ZFPM2: variants seen among roughly 807,000 people sequenced by gnomAD.
ZFPM2 encodes the protein zinc finger protein ZFPM2.
ZFPM2 carries 20 observed loss-of-function variants against 98.6 expected under a neutral mutation model. The ratio of observed to expected loss-of-function variants is 0.20; its 90% CI spans 0.14 to 0.29. ZFPM2 has a LOEUF of 0.29. ZFPM2 is among the 10% of genes least tolerant of loss of function. ZFPM2 has a pLI of 1.00. For synonymous variants in ZFPM2, 518 were observed against 502.7 expected (o/e 1.03, Z -0.41); for missense variants, 1,310 against 1,388.6 (o/e 0.94, Z 0.90).
At chr8:105,566,844 C>A (rs1437389945) in intron 4 of ZFPM2, among the ~76,000 whole-genome samples, 1 of 152,070 alleles carries the variant, frequency 6.6e-6, no homozygotes, top group African/African-American at 2.4e-5. Context: ...ACAGAGAAAT[C>A]TCATTTTATT....
chr8:105,649,230 G>A (rs1022286519), intron 5 of ZFPM2, among the ~76,000 whole-genome samples: 11 of 152,194 alleles, frequency 7.2e-5, no homozygotes, highest in Non-Finnish European at 1.6e-4. Context: ...AATGATTTTT[G>A]TATCCTGAGA....
At chr8:105,338,228 A>G (rs1812362409) in intron 1 of ZFPM2, among the ~76,000 whole-genome samples, 1 of 151,732 alleles carries the variant, frequency 6.6e-6, no homozygotes, top group Admixed American at 6.6e-5. Flanking sequence ...TGAGTTACTT[A>G]TGACCTCTTC....
At chr8:105,323,320 G>A (rs1812061892) in intron 1 of ZFPM2, among the ~76,000 whole-genome samples, 1 of 151,582 alleles carries the variant, frequency 6.6e-6, no homozygotes, top group East Asian at 1.9e-4. Context: ...ACAGGTTTTT[G>A]TTTTGAAACA....
intron 4 of ZFPM2, among the ~76,000 whole-genome samples, chr8:105,587,734 A>G (rs1815754436): frequency 6.6e-6 from 1 of 152,166 alleles, no homozygotes; most frequent in South Asian, 2.1e-4. Flanking sequence ...TGGAATAAAG[A>G]GTGTTTCTCA....
rs149922959 is a variant in ZFPM2, at chr8:105,705,609, A to G, written c.532+71252A>G. On this transcript the variant is annotated intron_variant, in intron 5 of 7. Transcript: ENST00000407775. ...TCAGCTTTAATGGATCAAAGTGATT[A>G]AAGATAATAGTGAACATGTGTGACC... Among the ~76,000 whole-genome samples the G allele has an allele frequency of 9.7e-4, 148 of 152,330 alleles. 1 individual carries two copies. Among genetic ancestry groups the G allele is most frequent in the Admixed American group, 9.2e-3 (141 of 15,300 alleles).
intron 5 of ZFPM2, among the ~76,000 whole-genome samples, chr8:105,722,706 G>A (rs1811696958): frequency 6.6e-6 from 1 of 151,782 alleles, no homozygotes; most frequent in African/African-American, 2.4e-5. Flanking sequence ...ATAGTGTGAG[G>A]AGAAGGAGGA....
intron 6 of ZFPM2, among the ~76,000 whole-genome samples, chr8:105,790,650 T>C (rs1813581417): frequency 6.6e-6 from 1 of 152,206 alleles, no homozygotes; most frequent in Non-Finnish European, 1.5e-5. Flanking sequence ...GGTAGCTTGA[T>C]GGGGATGGCA....
chr8:105,691,062 C>T (rs2130937495), intron 5 of ZFPM2: 1 of 152,074 alleles, frequency 6.6e-6, no homozygotes, highest in South Asian at 2.1e-4. Flanking sequence ...TCTTATTATC[C>T]TCTCCTACTC....
intron 1 of ZFPM2, among the ~76,000 whole-genome samples, chr8:105,328,235 T>C (rs984372766): frequency 6.6e-6 from 1 of 151,780 alleles, no homozygotes; most frequent in Non-Finnish European, 1.5e-5. Context: ...AATGTATTAT[T>C]GGGGGATGGA....
chr8:105,664,321 TTGTGTG>T (rs148523592), intron 5 of ZFPM2, among the ~76,000 whole-genome samples: 4,781 of 144,592 alleles, frequency 0.033, 191 homozygotes, highest in African/African-American at 0.097. Context: ...CATAAAATTC[TTGTGTG>T]TGTGTGTGTG....
At chr8:105,542,690 T>TCCC (rs1814605111) in intron 3 of ZFPM2, among the ~76,000 whole-genome samples, 1 of 152,160 alleles carries the variant, frequency 6.6e-6, no homozygotes, top group Non-Finnish European at 1.5e-5. Flanking sequence ...CTGGAACGTA[T>TCCC]CCCCCATGGA....
At chr8:105,591,717 C>G (rs1057296762) in intron 4 of ZFPM2, among the ~76,000 whole-genome samples, 1 of 151,934 alleles carries the variant, frequency 6.6e-6, no homozygotes, top group Non-Finnish European at 1.5e-5. Flanking sequence ...ATAAAATACC[C>G]AGTAATATCA....
chr8:105,516,064 T>C (rs1813915319), intron 3 of ZFPM2, among the ~76,000 whole-genome samples: 1 of 152,022 alleles, frequency 6.6e-6, no homozygotes, highest in South Asian at 2.1e-4. Flanking sequence ...TACCTGGGAT[T>C]GCAGGCGCCC....
chr8:105,463,812 C>T (rs1015294351), intron 3 of ZFPM2, among the ~76,000 whole-genome samples: 1 of 151,864 alleles, frequency 6.6e-6, no homozygotes, highest in Non-Finnish European at 1.5e-5. Context: ...TATTTTATTG[C>T]CATCCTTTTC....
At chr8:105,325,364 A>C (rs1331198775) in intron 1 of ZFPM2, among the ~76,000 whole-genome samples, 1 of 151,886 alleles carries the variant, frequency 6.6e-6, no homozygotes, top group Non-Finnish European at 1.5e-5. Flanking sequence ...ACATTTGTTT[A>C]TTATGCTTCC....
At chr8:105,606,471 G>C (rs1464767157) in intron 4 of ZFPM2, among the ~76,000 whole-genome samples, 2 of 151,986 alleles carry the variant, frequency 1.3e-5, no homozygotes, top group Non-Finnish European at 2.9e-5. Context: ...GTGGCTCTGG[G>C]CCACTTTACC....
intron 3 of ZFPM2, among the ~76,000 whole-genome samples, chr8:105,480,469 C>T (rs1285820139): frequency 2.0e-5 from 3 of 152,102 alleles, no homozygotes; most frequent in Non-Finnish European, 2.9e-5. Context: ...CATGTGCTAC[C>T]GCAGAGAAAA....
chr8:105,646,047 T>C (rs1055874637), intron 5 of ZFPM2, among the ~76,000 whole-genome samples: 2 of 90,144 alleles, frequency 2.2e-5, no homozygotes, highest in Non-Finnish European at 4.4e-5. Flanking sequence ...TGAGACTCCA[T>C]CTGGAAAAAA....
chr8:105,507,783 A>G (rs1420756315), intron 3 of ZFPM2, among the ~76,000 whole-genome samples: 1 of 152,088 alleles, frequency 6.6e-6, no homozygotes, highest in Non-Finnish European at 1.5e-5. Context: ...ACCCCTGGAG[A>G]GGAGAAAACA....
Sources: gnomAD v4.1 joint callset for allele counts (sites outside exome capture counted in the v4.1 genomes callset) on GRCh38, gnomAD v4.1.1 for gene constraint, MANE v1.5 for transcripts, NCBI Gene and HGNC (gene_info 2026-07-23, HGNC 2026-07-21) for gene names.